ITGA9: variants seen among roughly 807,000 people sequenced by gnomAD.
The protein encoded by ITGA9 is integrin alpha-9.
ITGA9 carries 56 observed loss-of-function variants against 127.8 expected under a neutral mutation model. The ratio of observed to expected loss-of-function variants is 0.44; its 90% CI spans 0.35 to 0.55. The LOEUF (loss-of-function observed/expected upper bound fraction) is 0.55, where lower values mean the gene tolerates loss of function less well. ITGA9 is among the 20% of genes least tolerant of loss of function. The pLI is 0.00. For missense variants in ITGA9, 1,196 were observed against 1,347.1 expected (o/e 0.89, Z 1.76); for synonymous variants, 508 against 514.5 (o/e 0.99, Z 0.17).
intron 2 of ITGA9, among the ~76,000 whole-genome samples, chr3:37,472,559 C>G (rs537922469): frequency 6.6e-6 from 1 of 152,068 alleles, no homozygotes; most frequent in East Asian, 2.0e-4. Context: ...CCATCTTCGG[C>G]TAATTTTTGT....
chr3:37,593,121 C>G (rs372483927), intron 15 of ITGA9, among the ~76,000 whole-genome samples: 5 of 152,260 alleles, frequency 3.3e-5, no homozygotes, highest in African/African-American at 1.2e-4. Context: ...AGATTGGTTC[C>G]AGGATTCCCA....
At chr3:37,478,460 G>C (rs564167012) in intron 3 of ITGA9, among the ~76,000 whole-genome samples, 66 of 152,336 alleles carry the variant, frequency 4.3e-4, no homozygotes, top group Middle Eastern at 6.8e-3. Flanking sequence ...GGGAGGAAGA[G>C]CAATCCTTAT....
chr3:37,454,692 C>T (rs987549390), intron 1 of ITGA9, among the ~76,000 whole-genome samples: 3 of 152,192 alleles, frequency 2.0e-5, no homozygotes, highest in Admixed American at 6.5e-5. Flanking sequence ...TCTTTTTCCT[C>T]CCTCACCCAC....
intron 5 of ITGA9, 73 bp downstream of exon 5, chr3:37,494,641 C>T (rs1698708326): frequency 7.7e-7 from 1 of 1,292,216 alleles, no homozygotes; most frequent in East Asian, 2.3e-5. Flanking sequence ...ATTTTGGCAA[C>T]CCTTAGAGGT....
chr3:37,481,394 A>G lies in ITGA9; in HGVS notation c.421-90A>G. On this transcript the variant is annotated intron_variant, in intron 3 of 27. Coordinates refer to ENST00000264741, the MANE Select transcript of ITGA9 (RefSeq NM_002207.3). The stretch of plus-strand genomic sequence containing the variant: ...GGTCCCTCTGCTCCTCTCTTCTCCC[A>G]CAGAAAGAAACATCTGGCACTGACA... 2.6e-6 allele frequency: 4 copies of G among 1,550,240 alleles called. 1 individual carries two copies. In the South Asian group the frequency reaches 3.3e-5, roughly 13 times the overall value.
chr3:37,476,716 A>T (rs1196863876), intron 3 of ITGA9, among the ~76,000 whole-genome samples: 1 of 152,146 alleles, frequency 6.6e-6, no homozygotes, highest in Non-Finnish European at 1.5e-5. Flanking sequence ...TTTCTGGAAC[A>T]AGCTGAGCAT....
intron 18 of ITGA9, among the ~76,000 whole-genome samples, chr3:37,688,093 C>T (rs1678133507): frequency 6.6e-6 from 1 of 152,192 alleles, no homozygotes; most frequent in Non-Finnish European, 1.5e-5. Context: ...CATGAACTCT[C>T]TGGCACTTCC....
intron 11 of ITGA9, among the ~76,000 whole-genome samples, chr3:37,520,541 C>T (rs970558286): frequency 2.0e-5 from 3 of 152,164 alleles, no homozygotes; most frequent in Non-Finnish European, 2.9e-5. Context: ...CAAAAAGGAA[C>T]GCTCGGAAAC....
chr3:37,499,621 T>C (rs1474633960), intron 5 of ITGA9, among the ~76,000 whole-genome samples: 1 of 152,076 alleles, frequency 6.6e-6, no homozygotes, highest in African/African-American at 2.4e-5. Flanking sequence ...GCATCATCCA[T>C]AGGGAACAGA....
At chr3:37,666,312 G>A (rs537370688) in intron 17 of ITGA9, among the ~76,000 whole-genome samples, 26 of 152,338 alleles carry the variant, frequency 1.7e-4, no homozygotes, top group Admixed American at 9.1e-4. Flanking sequence ...ACACAGGGAA[G>A]CCTGCGGTGA....
At chr3:37,642,969 T>C (rs1213789819) in intron 16 of ITGA9, among the ~76,000 whole-genome samples, 2 of 152,236 alleles carry the variant, frequency 1.3e-5, no homozygotes, top group Non-Finnish European at 2.9e-5. Context: ...TTTACAGCTC[T>C]AAGGTTTATT....
At chr3:37,505,921 CA>C in intron 6 of ITGA9, 78 bp from the exon 7 acceptor site, 2 of 1,081,394 alleles carry the variant, frequency 1.8e-6, no homozygotes, top group Non-Finnish European at 2.8e-6. Context: ...GCTTGAGAAA[CA>C]TTTTCCTCTG....
At chr3:37,506,264 A>G (rs1469881390) in intron 7 of ITGA9, among the ~76,000 whole-genome samples, 179 bp downstream of exon 7, 2 of 152,036 alleles carry the variant, frequency 1.3e-5, no homozygotes, top group Non-Finnish European at 2.9e-5. Context: ...TGAAAGCTCA[A>G]TTAGAGTGTG....
At chr3:37,633,491 G>T (rs1050914356) in intron 16 of ITGA9, among the ~76,000 whole-genome samples, 12 of 152,270 alleles carry the variant, frequency 7.9e-5, no homozygotes, top group African/African-American at 2.6e-4. Flanking sequence ...ACAATAAAGT[G>T]TTGAATATCT....
chr3:37,503,135 C>T (rs776355143), intron 5 of ITGA9, 43 bp from the exon 6 acceptor site: 3 of 1,610,988 alleles, frequency 1.9e-6, no homozygotes, highest in Non-Finnish European at 2.5e-6. Context: ...CTCCTCCCCT[C>T]CTCACTTCCT....
chr3:37,815,093 G>C (rs1231337578), intron 27 of ITGA9, among the ~76,000 whole-genome samples: 1 of 152,238 alleles, frequency 6.6e-6, no homozygotes, highest in African/African-American at 2.4e-5. Flanking sequence ...CTGAGAGAAA[G>C]AAGCTTGCTT....
intron 15 of ITGA9, among the ~76,000 whole-genome samples, chr3:37,560,328 C>A (rs545225095): frequency 2.6e-4 from 40 of 152,302 alleles, no homozygotes; most frequent in African/African-American, 9.4e-4. Flanking sequence ...ATATGTCCCG[C>A]ATTTTCTTAA....
intron 18 of ITGA9, among the ~76,000 whole-genome samples, chr3:37,726,812 A>T (rs552941057): frequency 6.6e-6 from 1 of 152,322 alleles, no homozygotes; most frequent in South Asian, 2.1e-4. Flanking sequence ...AGAATACGGA[A>T]ATGAGTACGC....
intron 5 of ITGA9, among the ~76,000 whole-genome samples, chr3:37,497,413 T>C (rs532597347): frequency 6.6e-6 from 1 of 151,854 alleles, no homozygotes; most frequent in Non-Finnish European, 1.5e-5. Context: ...CATGAACAGC[T>C]GGGCAGGAGA....
Sources: gnomAD v4.1 joint callset for allele counts (sites outside exome capture counted in the v4.1 genomes callset) on GRCh38, gnomAD v4.1.1 for gene constraint, MANE v1.5 for transcripts, NCBI Gene and HGNC (gene_info 2026-07-23, HGNC 2026-07-21) for gene names.